The following RAB3C variants were observed in gnomAD, a reference collection of about 807,000 sequenced individuals.
The protein encoded by RAB3C is RAB3C, member RAS oncogene family, also known as ras-related protein Rab-3C.
RAB3C carries 17 observed loss-of-function variants against 26.4 expected under a neutral mutation model. The observed-to-expected ratio is 0.64, with a 90% CI of 0.44 to 0.97. The LOEUF is 0.97. RAB3C is among the 50% of genes least tolerant of loss of function. The pLI is 0.00. For missense variants in RAB3C, 242 were observed against 281.9 expected, an observed-to-expected ratio of 0.86 and a Z score of 1.01; for synonymous variants, 91 against 95.9, an observed-to-expected ratio of 0.95 and a Z score of 0.30.
At chr5:58,642,233 A>G (rs1457165414) in intron 2 of RAB3C, among the ~76,000 whole-genome samples, 1 of 152,234 alleles carries the variant, frequency 6.6e-6, no homozygotes, top group East Asian at 1.9e-4. Context: ...AGACTTAAGC[A>G]ATCTTAGCTT....
chr5:58,698,353 T>G (rs1253870752), intron 2 of RAB3C, among the ~76,000 whole-genome samples: 1 of 152,216 alleles, frequency 6.6e-6, no homozygotes, highest in African/African-American at 2.4e-5. Context: ...TGGCTGCACT[T>G]AACACTTTTT....
chr5:58,829,270 T>C lies in RAB3C; in HGVS notation c.496+4108T>C, dbSNP rs568730305. Among the ~76,000 whole-genome samples the C allele has an allele frequency of 3.9e-5, 6 of 152,292 alleles. No homozygotes were observed. The East Asian group carries it at 1.2e-3, about 29-fold the overall frequency. Reference sequence around the variant, plus strand: ...AACAATATATAAGAATGTTTTTAAATTCTATATTAAATTTATAGTATGGTA... The same window carrying C: ...AACAATATATAAGAATGTTTTTAAACTCTATATTAAATTTATAGTATGGTA... On this transcript the variant is annotated intron_variant, in intron 4 of 4. Transcript: ENST00000282878.
chr5:58,832,264 A>C (rs1318973674), intron 4 of RAB3C, among the ~76,000 whole-genome samples: 2 of 152,198 alleles, frequency 1.3e-5, no homozygotes, highest in Non-Finnish European at 2.9e-5. Flanking sequence ...GAACGTAATT[A>C]TTAGGACCAA....
intron 2 of RAB3C, among the ~76,000 whole-genome samples, chr5:58,621,456 C>T (rs1399950018): frequency 6.6e-6 from 1 of 152,204 alleles, no homozygotes; most frequent in Non-Finnish European, 1.5e-5. Flanking sequence ...CATTATACTT[C>T]TTCTCAAGGT....
intron 3 of RAB3C, among the ~76,000 whole-genome samples, chr5:58,751,209 A>G (rs1005574521): frequency 3.9e-5 from 6 of 152,222 alleles, no homozygotes; most frequent in Non-Finnish European, 8.8e-5. Flanking sequence ...TACTACAACC[A>G]TGCATAACCA....
chr5:58,592,373 A>G (rs981051582), intron 1 of RAB3C, among the ~76,000 whole-genome samples: 2 of 152,128 alleles, frequency 1.3e-5, no homozygotes, highest in African/African-American at 4.8e-5. Context: ...TTCTTTGTGA[A>G]ATTGTTGTCA....
intron 2 of RAB3C, among the ~76,000 whole-genome samples, chr5:58,681,858 G>T (rs1748350152): frequency 1.3e-5 from 2 of 152,272 alleles, no homozygotes; most frequent in South Asian, 4.1e-4. Flanking sequence ...AGGTTGATTA[G>T]GAAAATAAGT....
chr5:58,665,262 AG>A (rs749425928), intron 2 of RAB3C, among the ~76,000 whole-genome samples: 3 of 152,202 alleles, frequency 2.0e-5, no homozygotes, highest in Non-Finnish European at 4.4e-5. Flanking sequence ...CAGGCAGGTA[AG>A]TGGATAAGGC....
chr5:58,646,663 T>C (rs1374791630), intron 2 of RAB3C, among the ~76,000 whole-genome samples: 1 of 152,016 alleles, frequency 6.6e-6, no homozygotes, highest in Non-Finnish European at 1.5e-5. Context: ...ACAGTGAAAA[T>C]AGAGGCATTG....
chr5:58,728,679 C>G (rs991490970), intron 3 of RAB3C, among the ~76,000 whole-genome samples: 2 of 151,996 alleles, frequency 1.3e-5, no homozygotes, highest in African/African-American at 4.8e-5. Context: ...CACTCTGGAT[C>G]TACTAAATCA....
chr5:58,676,087 C>T (rs923548253), intron 2 of RAB3C, among the ~76,000 whole-genome samples: 4 of 152,176 alleles, frequency 2.6e-5, no homozygotes, highest in Admixed American at 2.6e-4. Context: ...TGTATTTCCC[C>T]AAATCCCAGA....
intron 2 of RAB3C, among the ~76,000 whole-genome samples, chr5:58,636,706 C>T (rs1260532179): frequency 6.6e-6 from 1 of 152,120 alleles, no homozygotes; most frequent in Non-Finnish European, 1.5e-5. Flanking sequence ...ATAAATCACC[C>T]AGAAAGTGGT....
chr5:58,582,637 A>G (rs1226839505), upstream of RAB3C, among the ~76,000 whole-genome samples: 2 of 152,180 alleles, frequency 1.3e-5, no homozygotes, highest in Non-Finnish European at 1.5e-5. Flanking sequence ...GGAAACGTAG[A>G]AACTTTCCCG....
chr5:58,819,930 CA>C (rs1294054153), intron 3 of RAB3C, among the ~76,000 whole-genome samples: 1 of 152,122 alleles, frequency 6.6e-6, no homozygotes, highest in Non-Finnish European at 1.5e-5. Context: ...CACTATGCAG[CA>C]AGACCAAATG....
intron 2 of RAB3C, among the ~76,000 whole-genome samples, chr5:58,714,149 C>T (rs1298384526): frequency 6.6e-6 from 1 of 152,012 alleles, no homozygotes; most frequent in Non-Finnish European, 1.5e-5. Flanking sequence ...ACTTTATTTC[C>T]TAGCCAATAG....
chr5:58,685,768 A>G (rs184227866), intron 2 of RAB3C, among the ~76,000 whole-genome samples: 148 of 152,316 alleles, frequency 9.7e-4, no homozygotes, highest in African/African-American at 3.5e-3. Flanking sequence ...GGAATACCAT[A>G]GTGAATACAT....
intron 3 of RAB3C, among the ~76,000 whole-genome samples, chr5:58,751,911 A>C (rs1741536015): frequency 6.6e-6 from 1 of 152,206 alleles, no homozygotes; most frequent in Admixed American, 6.5e-5. Context: ...TATACATAAA[A>C]AAGCAAGGGC....
rs567885711 is a variant in RAB3C, at chr5:58,818,095, A to T, written c.372-6943A>T. Among the ~76,000 whole-genome samples, 4 of 152,282 alleles carry T rather than the reference A, an allele frequency of 2.6e-5. No homozygotes were observed. In the South Asian group the frequency reaches 8.3e-4, roughly 32 times the overall value. ...TACATCCCAAATCAGACCCTAATCG[A>T]CAATTGTTTTTGTGGGTCACTGAGG... On this transcript the variant is annotated intron_variant, in intron 3 of 4. Coordinates refer to ENST00000282878, the MANE Select transcript of RAB3C (RefSeq NM_138453.4).
intron 2 of RAB3C, among the ~76,000 whole-genome samples, chr5:58,649,112 T>C (rs1274884424): frequency 2.0e-5 from 3 of 152,260 alleles, no homozygotes; most frequent in African/African-American, 7.2e-5. Context: ...AGTAAACATC[T>C]TAGTTGGTTA....
Sources: allele counts gnomAD v4.1 joint callset (sites outside exome capture counted in the v4.1 genomes callset), GRCh38; gene constraint gnomAD v4.1.1; transcripts MANE v1.5; gene names NCBI Gene and HGNC (gene_info 2026-07-23, HGNC 2026-07-21).